Variants in PTPRQ observed in about 807,000 individuals in gnomAD.
PTPRQ encodes phosphatidylinositol phosphatase PTPRQ.
A neutral mutation model predicts 246.0 loss-of-function variants in PTPRQ; 199 were observed. The observed-to-expected ratio is 0.81, with a 90% confidence interval of 0.72 to 0.91. The LOEUF is 0.91. PTPRQ is among the 40% of genes least tolerant of loss of function. PTPRQ has a pLI of 0.00. For missense variants in PTPRQ, 2,624 were observed against 2,528.4 expected (o/e 1.04, Z -0.81); for synonymous variants, 869 against 853.2 (o/e 1.02, Z -0.32).
chr12:80,496,579 T>A, intron 14 of PTPRQ, 48 bp downstream of exon 14: 1 of 1,497,704 alleles, frequency 6.7e-7, no homozygotes. Context: ...AGTGATATAG[T>A]AAGCAAAGCT....
intron 25 of PTPRQ, among the ~76,000 whole-genome samples, chr12:80,559,268 T>C (rs1000033973): frequency 3.6e-4 from 54 of 152,106 alleles, no homozygotes; most frequent in Admixed American, 3.3e-4. Flanking sequence ...ATGGTCTCAA[T>C]CTCCTGATTT....
At chr12:80,450,336 G>T (rs1449966613) in intron 3 of PTPRQ, among the ~76,000 whole-genome samples, 5 of 152,140 alleles carry the variant, frequency 3.3e-5, no homozygotes, top group Non-Finnish European at 5.9e-5. Context: ...GGGACAATTT[G>T]ACTTCCTCTT....
chr12:80,547,441 C>T (rs1896339922), intron 24 of PTPRQ, among the ~76,000 whole-genome samples: 1 of 152,024 alleles, frequency 6.6e-6, no homozygotes, highest in African/African-American at 2.4e-5. Context: ...TTCTTATCAG[C>T]TCTGGATGCA....
chr12:80,667,074 T>G (rs117494789), intron 39 of PTPRQ, among the ~76,000 whole-genome samples: 1,523 of 152,114 alleles, frequency 0.01, 28 homozygotes, highest in Admixed American at 0.058. Flanking sequence ...TAATTACTTT[T>G]TAGGACCTAA....
At chr12:80,674,404 C>T (rs1385667256) in intron 43 of PTPRQ, among the ~76,000 whole-genome samples, 2 of 152,058 alleles carry the variant, frequency 1.3e-5, no homozygotes, top group Admixed American at 6.6e-5. Context: ...AAGATAGAGC[C>T]CTATGGACAA....
intron 34 of PTPRQ, among the ~76,000 whole-genome samples, chr12:80,633,928 A>G (rs1195990452): frequency 6.6e-6 from 1 of 152,186 alleles, no homozygotes; most frequent in African/African-American, 2.4e-5. Context: ...CCTACTCACT[A>G]GCTAAAGAGA....
At chr12:80,669,566 C>T (rs962997423) in intron 41 of PTPRQ, 102 bp downstream of exon 41, 6 of 1,412,746 alleles carry the variant, frequency 4.2e-6, no homozygotes, top group Non-Finnish European at 5.6e-6. Context: ...TCAAGGATAC[C>T]TGTATATTCA....
chr12:80,516,930 C>T (rs1248588709), intron 17 of PTPRQ, among the ~76,000 whole-genome samples: 1 of 152,042 alleles, frequency 6.6e-6, no homozygotes, highest in Non-Finnish European at 1.5e-5. Context: ...ACATGGAGTA[C>T]TGAGGCTAAG....
chr12:80,664,581 A>G (rs987585908), intron 39 of PTPRQ, among the ~76,000 whole-genome samples: 1 of 152,048 alleles, frequency 6.6e-6, no homozygotes. Flanking sequence ...ATATCTTGAT[A>G]TTATAGGTTT....
chr12:80,627,139 A>G (rs1164426707), intron 33 of PTPRQ, among the ~76,000 whole-genome samples: 1 of 151,930 alleles, frequency 6.6e-6, no homozygotes, highest in Non-Finnish European at 1.5e-5. Context: ...ACCATGTGCA[A>G]TTATTGAATC....
In PTPRQ at chr12:80,608,564, TTA is replaced by T. The variant is rs549857316; in HGVS notation, c.4732-1872_4732-1871del. 2.0e-3 allele frequency among the ~76,000 whole-genome samples: 293 copies of T among 148,614 alleles called. 3 individuals are homozygous for T. The highest frequency in any genetic ancestry group is 7.0e-3 in the African/African-American group (286 of 40,750). On this transcript the variant is annotated intron_variant, in intron 27 of 44. Coordinates refer to ENST00000644991, the MANE Select transcript of PTPRQ (RefSeq NM_001145026.2). ...GAAGAGTATAATTTATAAATTATAC[TTA>T]TAAATTATAAATTTATAATTTATAA... is the stretch of plus-strand genomic sequence containing the variant.
chr12:80,495,995 A>G lies in PTPRQ; in HGVS notation c.1883-4A>G, dbSNP rs2120655999. The G allele has an allele frequency of 6.5e-7, 1 of 1,548,478 alleles. No individual in the cohort carries two copies. ...ATTAAACAGTTTGTCTCTTGTCCTTATAGGGTTAAAGAAATACACAAAATA... is the reference window on the plus strand; with the variant it reads ...ATTAAACAGTTTGTCTCTTGTCCTTGTAGGGTTAAAGAAATACACAAAATA... On this transcript the variant is annotated splice_region_variant and splice_polypyrimidine_tract_variant and intron_variant, in intron 12 of 44. Coordinates refer to ENST00000644991, the MANE Select transcript of PTPRQ (RefSeq NM_001145026.2).
intron 33 of PTPRQ, among the ~76,000 whole-genome samples, chr12:80,625,793 G>A (rs530771059): frequency 6.6e-6 from 1 of 151,964 alleles, no homozygotes; most frequent in Non-Finnish European, 1.5e-5. Flanking sequence ...ATTTGATTTC[G>A]TTTTTACTCA....
In PTPRQ at chr12:80,620,347, T is replaced by G; in HGVS notation, c.5583T>G (p.Asn1861Lys). The change falls in exon 32 of 45, where the codon AAT (asparagine) becomes AAG (lysine). Residue 1861 changes from asparagine (N) to lysine (K), a missense_variant. Asn to Lys is a moderately conservative substitution (Grantham distance 94). Coordinates refer to ENST00000644991, the MANE Select transcript of PTPRQ (RefSeq NM_001145026.2). ...CTGGCAATGAAGACAAAATTTGCAATGGACCACTGAAACCAAAAAAGCAAT... is the reference window on the plus strand; with the variant it reads ...CTGGCAATGAAGACAAAATTTGCAAGGGACCACTGAAACCAAAAAAGCAAT... The part of the protein sequence containing the change: ...MIPGNEDKIC[N>K]GPLKPKKQYL... The G allele has an allele frequency of 6.5e-7, 1 of 1,549,234 alleles. No homozygotes were observed. The highest frequency in any genetic ancestry group is 8.7e-7 in the Non-Finnish European group (1 of 1,145,368).
chr12:80,466,571 A>G (rs896145560), intron 6 of PTPRQ, among the ~76,000 whole-genome samples: 9 of 152,226 alleles, frequency 5.9e-5, no homozygotes, highest in South Asian at 2.1e-4. Context: ...CCAAAAGAAC[A>G]AAGCTGGAGG....
At chr12:80,484,943 C>T (rs995801232) in intron 9 of PTPRQ, among the ~76,000 whole-genome samples, 2 of 152,076 alleles carry the variant, frequency 1.3e-5, no homozygotes, top group African/African-American at 4.8e-5. Flanking sequence ...CCTTCAAAGG[C>T]TGTGCTTGCA....
intron 39 of PTPRQ, among the ~76,000 whole-genome samples, chr12:80,658,339 T>C (rs140000798): frequency 6.6e-6 from 1 of 152,230 alleles, no homozygotes; most frequent in East Asian, 1.9e-4. Context: ...ATATGCTTTG[T>C]TAATGTATTC....
At chr12:80,591,368 A>C (rs1211931437) in intron 26 of PTPRQ, among the ~76,000 whole-genome samples, 1 of 152,002 alleles carries the variant, frequency 6.6e-6, no homozygotes, top group Non-Finnish European at 1.5e-5. Flanking sequence ...GGCTCAAGTG[A>C]TCCTCCTGCC....
chr12:80,469,087 T>C (rs965456654), intron 7 of PTPRQ, among the ~76,000 whole-genome samples: 1 of 152,102 alleles, frequency 6.6e-6, no homozygotes, highest in African/African-American at 2.4e-5. Flanking sequence ...TAGAGATAAC[T>C]CCTCAAGAAA....
Sources: allele counts gnomAD v4.1 joint callset (sites outside exome capture counted in the v4.1 genomes callset), GRCh38; gene constraint gnomAD v4.1.1; transcripts MANE v1.5; gene names NCBI Gene and HGNC (gene_info 2026-07-23, HGNC 2026-07-21).